CDK19: variants seen among roughly 807,000 people sequenced by gnomAD.
CDK19 encodes the protein cyclin-dependent kinase 19.
CDK19 carries 20 observed loss-of-function variants against 68.3 expected under a neutral mutation model. That is an observed-to-expected ratio of 0.29 (90% CI 0.21 to 0.43). CDK19 has a LOEUF of 0.43. Ranked by LOEUF, CDK19 falls within the 20% of genes least tolerant of loss-of-function variation. The pLI, the probability that CDK19 is intolerant of heterozygous loss-of-function variation, is 1.00. For synonymous variants in CDK19, 221 were observed against 222.8 expected (o/e 0.99, Z 0.07); for missense variants, 339 against 623.5 (o/e 0.54, Z 4.86).
intron 2 of CDK19, among the ~76,000 whole-genome samples, chr6:110,733,977 A>C (rs541748490): frequency 3.7e-4 from 57 of 152,158 alleles, no homozygotes; most frequent in South Asian, 8.3e-4. Flanking sequence ...TTACTTTAAA[A>C]ATTATTATTC....
chr6:110,727,497 T>C (rs1446619055), intron 2 of CDK19, among the ~76,000 whole-genome samples: 1 of 152,180 alleles, frequency 6.6e-6, no homozygotes, highest in Non-Finnish European at 1.5e-5. Context: ...CATATAAGGT[T>C]CATGATGGAA....
chr6:110,677,867 T>A (rs1771664641), intron 2 of CDK19, among the ~76,000 whole-genome samples: 1 of 152,216 alleles, frequency 6.6e-6, no homozygotes, highest in Admixed American at 6.5e-5. Context: ...TTATTTATTT[T>A]GAGACAAGAT....
chr6:110,623,386 C>A (rs17622461), intron 8 of CDK19, 24 bp from the exon 9 acceptor site: 22,592 of 1,609,414 alleles, frequency 0.014, 157 homozygotes, highest in Non-Finnish European at 0.017. Flanking sequence ...CACAGTCACA[C>A]ATCACTGGGA....
chr6:110,808,845 C>T (rs1782864087), intron 1 of CDK19, among the ~76,000 whole-genome samples: 1 of 152,096 alleles, frequency 6.6e-6, no homozygotes, highest in African/African-American at 2.4e-5. Context: ...TCTAAAAGAG[C>T]TGGCCTAAGA....
chr6:110,685,137 CA>C (rs1430231478), intron 2 of CDK19, among the ~76,000 whole-genome samples: 1 of 150,240 alleles, frequency 6.7e-6, no homozygotes, highest in African/African-American at 2.4e-5. Flanking sequence ...AACTCTGTCT[CA>C]AAAAAAAAGA....
chr6:110,623,083 T>G (rs1419313056), intron 9 of CDK19, among the ~76,000 whole-genome samples, 171 bp from the exon 10 acceptor site: 8 of 152,230 alleles, frequency 5.3e-5, no homozygotes, highest in Admixed American at 5.2e-4. Context: ...ATCATCAGCA[T>G]TAAAGCCCTT....
Position 110,622,168 on chromosome 6 carries a change from T to C in CDK19, c.1032-2A>G. ...GGAATCTGGCAGCCGGCAAATACAC[T>C]AAAAATCATTAAAAAGAAAAAACAT... On this transcript the variant is annotated splice_acceptor_variant, in intron 10 of 12. Transcript: ENST00000368911. LOFTEE classifies it high-confidence loss of function. The C allele has an allele frequency of 6.4e-7, 1 of 1,569,508 alleles. No individual in the cohort carries two copies. The highest frequency in any genetic ancestry group is 8.7e-7 in the Non-Finnish European group (1 of 1,144,506).
intron 10 of CDK19, 63 bp downstream of exon 10, chr6:110,622,752 T>C: frequency 9.5e-7 from 1 of 1,052,550 alleles, no homozygotes; most frequent in Non-Finnish European, 1.5e-6. Flanking sequence ...CTTCCCTTGC[T>C]TTCAACCACC....
rs997273490 is a variant in CDK19 at position 110,621,831 on chromosome 6, A to G, written c.1110+257T>C. 1.3e-5 allele frequency among the ~76,000 whole-genome samples: 2 copies of G among 152,120 alleles called. No homozygotes were observed. The highest frequency in any genetic ancestry group is 2.9e-5 in the Non-Finnish European group (2 of 68,030). ...GGTGGTAGTGACACCAAACAAACAGAAAGAGCAAGAAGTGGGAATCCGGGA... is the reference window on the plus strand; with the variant it reads ...GGTGGTAGTGACACCAAACAAACAGGAAGAGCAAGAAGTGGGAATCCGGGA... On this transcript the variant is annotated intron_variant, in intron 11 of 12. Transcript: ENST00000368911. The surrounding 1 kb of genome is among the most constrained non-coding windows in gnomAD (Gnocchi z 5.4).
intron 2 of CDK19, among the ~76,000 whole-genome samples, chr6:110,735,980 T>G (rs1005705799): frequency 3.3e-5 from 5 of 152,198 alleles, no homozygotes; most frequent in African/African-American, 1.2e-4. Context: ...TGTGAACTGC[T>G]GCACGGCATA....
intron 2 of CDK19, among the ~76,000 whole-genome samples, chr6:110,719,988 C>G (rs1210106594): frequency 8.3e-6 from 1 of 120,422 alleles, no homozygotes; most frequent in Non-Finnish European, 1.8e-5. Flanking sequence ...CCCCCCCCAC[C>G]CCCCCCCTGC....
chr6:110,640,535 T>A (rs540772262), intron 4 of CDK19, among the ~76,000 whole-genome samples: 1 of 152,118 alleles, frequency 6.6e-6, no homozygotes, highest in South Asian at 2.1e-4. Flanking sequence ...TGGTAAAGAT[T>A]TTACCAAGGT....
At chr6:110,687,251 C>T (rs933419678) in intron 2 of CDK19, among the ~76,000 whole-genome samples, 6 of 152,134 alleles carry the variant, frequency 3.9e-5, no homozygotes, top group African/African-American at 1.4e-4. Flanking sequence ...TGGGCATTAT[C>T]AGTGGTCAGA....
chr6:110,690,283 A>T (rs1772867139), intron 2 of CDK19, among the ~76,000 whole-genome samples: 1 of 151,504 alleles, frequency 6.6e-6, no homozygotes, highest in Non-Finnish European at 1.5e-5. Context: ...TCTACTCAGA[A>T]CATCAACATT....
intron 4 of CDK19, among the ~76,000 whole-genome samples, chr6:110,641,727 A>G (rs1441649347): frequency 2.0e-5 from 3 of 151,698 alleles, no homozygotes; most frequent in Non-Finnish European, 2.9e-5. Flanking sequence ...CTATCAATAT[A>G]GAAAGAAAAA....
chr6:110,758,639 T>G (rs934183999), intron 1 of CDK19, among the ~76,000 whole-genome samples: 6 of 152,104 alleles, frequency 3.9e-5, no homozygotes, highest in Admixed American at 3.9e-4. Flanking sequence ...TCTAGAAAAC[T>G]GTCTTTTAAC....
At chr6:110,809,244 G>C (rs1044506528) in intron 1 of CDK19, among the ~76,000 whole-genome samples, 1 of 151,704 alleles carries the variant, frequency 6.6e-6, no homozygotes, top group Non-Finnish European at 1.5e-5. Context: ...GCCAGGCACA[G>C]TGACTCATGT....
At chr6:110,757,353 A>T (rs1226551453) in intron 1 of CDK19, among the ~76,000 whole-genome samples, 2 of 151,854 alleles carry the variant, frequency 1.3e-5, no homozygotes, top group Non-Finnish European at 2.9e-5. Flanking sequence ...AATTGGGTTG[A>T]CTCCCCTCCC....
At chr6:110,661,950 TTTTA>T (rs142494234) in intron 4 of CDK19, among the ~76,000 whole-genome samples, 4,223 of 150,470 alleles carry the variant, frequency 0.028, 82 homozygotes, top group South Asian at 0.084. Flanking sequence ...ACTCCACACA[TTTTA>T]TTTATTTATT....
Sources: gnomAD v4.1 joint callset for allele counts (sites outside exome capture counted in the v4.1 genomes callset) on GRCh38, gnomAD v4.1.1 for gene constraint, Gnocchi (gnomAD v3.1) non-coding constraint, MANE v1.5 for transcripts, NCBI Gene and HGNC (gene_info 2026-07-23, HGNC 2026-07-21) for gene names.